The following NUP153 variants were observed in gnomAD, a reference collection of about 807,000 sequenced individuals.
NUP153 encodes nucleoporin 153.
A neutral mutation model predicts 134.6 loss-of-function variants in NUP153; 27 were observed. That is an observed-to-expected ratio of 0.20 (90% CI 0.15 to 0.28). NUP153 has a LOEUF of 0.28. Among genes scored for constraint, NUP153 ranks in the 10% least tolerant of loss-of-function variants. NUP153 has a pLI of 1.00. For missense variants in NUP153, 1,821 were observed against 1,731.3 expected, an observed-to-expected ratio of 1.05 and a Z score of -0.92; for synonymous variants, 640 against 623.5, an observed-to-expected ratio of 1.03 and a Z score of -0.40.
chr6:17,616,028 A>G lies in NUP153; in HGVS notation c.*69T>C. 2 of 1,121,682 alleles carry G rather than the reference A, an allele frequency of 1.8e-6. No individual in the cohort carries two copies. Among genetic ancestry groups the G allele is most frequent in the Non-Finnish European group, 2.7e-6 (2 of 739,830 alleles). The allele number at this position is 1,121,682 out of a possible 1,614,324, so 69.5% of individuals were successfully genotyped here. The stretch of plus-strand genomic sequence containing the variant: ...CTGACTTCAGATAACCCCAGCACAA[A>G]GTACAATCCAGTATCTGAAAGCAGG... On this transcript the variant is annotated 3_prime_UTR_variant, in exon 22 of 22. Coordinates refer to ENST00000262077, the MANE Select transcript of NUP153 (RefSeq NM_005124.4).
chr6:17,674,737 A>G (rs1023322757), intron 5 of NUP153, among the ~76,000 whole-genome samples, 168 bp downstream of exon 5: 35 of 152,120 alleles, frequency 2.3e-4, no homozygotes, highest in African/African-American at 8.5e-4. Flanking sequence ...GTGCCACCGC[A>G]CTCCAGCCTG....
chr6:17,646,195 A>T (rs1186726388), intron 13 of NUP153, 41 bp from the exon 14 acceptor site: 9 of 1,069,136 alleles, frequency 8.4e-6, no homozygotes, highest in Non-Finnish European at 1.3e-5. Flanking sequence ...GTTTTCAATA[A>T]GTATCAAATA....
intron 21 of NUP153, 109 bp from the exon 22 acceptor site, chr6:17,616,290 G>GGGGGGGGGGGGGGGGC: frequency 2.1e-6 from 1 of 473,898 alleles, no homozygotes. Flanking sequence ...GGTGGGGGGG[G>GGGGGGGGGGGGGGGGC]AGTAGACTCA....
chr6:17,646,918 C>CTTTTTTTTTT (rs376244443), intron 13 of NUP153, among the ~76,000 whole-genome samples: 2 of 131,104 alleles, frequency 1.5e-5, no homozygotes, highest in Non-Finnish European at 3.2e-5. Context: ...TCTGTATTTT[C>CTTTTTTTTTT]TTTTTTTTTT....
intron 14 of NUP153, among the ~76,000 whole-genome samples, chr6:17,642,210 A>C (rs1333811247): frequency 1.3e-5 from 2 of 152,210 alleles, no homozygotes; most frequent in East Asian, 3.9e-4. Context: ...AAGCACAGCA[A>C]CAGAAGAAAA....
chr6:17,648,252 A>G (rs1404835877), intron 12 of NUP153, among the ~76,000 whole-genome samples: 1 of 152,214 alleles, frequency 6.6e-6, no homozygotes, highest in Non-Finnish European at 1.5e-5. Context: ...TTGGGAAGCC[A>G]TGACAGAGGG....
rs9396789 is a variant in NUP153, at chr6:17,683,409, T to C, written c.334+4987A>G. Among the ~76,000 whole-genome samples, 7 of 152,314 alleles carry C rather than the reference T, an allele frequency of 4.6e-5. No homozygotes were observed. In the East Asian group the frequency reaches 7.7e-4, roughly 17 times the overall value. Reference sequence around the variant, plus strand: ...TGATCCATGGGCTGCAGAATGGACATTGTATTATCAAGCATCAGAACAACA... The same window carrying C: ...TGATCCATGGGCTGCAGAATGGACACTGTATTATCAAGCATCAGAACAACA... On this transcript the variant is annotated intron_variant, in intron 2 of 21. Coordinates refer to ENST00000262077, the MANE Select transcript of NUP153 (RefSeq NM_005124.4).
rs1211773130 is a variant in NUP153 at position 17,624,700 on chromosome 6, T to A, written c.4035A>T (p.Ser1345=). The A allele has an allele frequency of 6.2e-7, 1 of 1,614,140 alleles. No individual in the cohort carries two copies. The highest frequency in any genetic ancestry group is 2.2e-5 in the East Asian group (1 of 44,878). Residue 1345 remains serine, a synonymous_variant, in exon 20 of 22, where the codon TCA becomes TCT. Coordinates refer to ENST00000262077, the MANE Select transcript of NUP153 (RefSeq NM_005124.4). The part of the protein sequence containing the change: ...QPNPPGFGSI[S]SSTALFPTGS... ...CAGTGGGAAATAATGCTGTGGAAGA[T>A]GATATAGATCCAAAGCCTGGGGGAT...
At chr6:17,671,942 A>C (rs1217761108) in intron 5 of NUP153, among the ~76,000 whole-genome samples, 1 of 152,114 alleles carries the variant, frequency 6.6e-6, no homozygotes, top group African/African-American at 2.4e-5. Context: ...TGGGAGGTGG[A>C]GGTTGCAGTG....
At position 17,675,333 on chromosome 6, in the gene NUP153, G is replaced by C. The variant is rs1203524259; in HGVS notation, c.619C>G (p.Leu207Val). 3.1e-6 allele frequency: 5 copies of C among 1,614,060 alleles called. No homozygotes were observed. The highest frequency in any genetic ancestry group is 4.2e-6 in the Non-Finnish European group (5 of 1,179,980). The change falls in exon 4 of 22, where the codon CTG becomes GTG. Residue 207 changes from leucine (L) to valine (V), a missense_variant. Physicochemically the swap from Leu to Val is conservative, Grantham distance 32. Transcript: ENST00000262077. The surrounding 1 kb of genome is among the most constrained non-coding windows in gnomAD (Gnocchi z 4.4). ...TVSKNTSLPPLWSPEAERSHS... is the reference protein window; with the variant it reads ...TVSKNTSLPPVWSPEAERSHS... ...GAACGTTCAGCTTCTGGGGACCACA[G>C]AGGTGGCAATGAAGTGTTCTTTGAA...
chr6:17,670,853 C>T (rs983489331), intron 5 of NUP153, among the ~76,000 whole-genome samples: 1 of 151,882 alleles, frequency 6.6e-6, no homozygotes, highest in Non-Finnish European at 1.5e-5. Context: ...GTCTGTTGCC[C>T]AGGCTGGAGT....
chr6:17,701,184 C>T (rs555816980), intron 1 of NUP153, among the ~76,000 whole-genome samples: 10 of 150,394 alleles, frequency 6.6e-5, no homozygotes, highest in African/African-American at 2.2e-4. Context: ...AAGATGGTGC[C>T]GTTGCACTCC....
At chr6:17,685,574 T>C (rs953385077) in intron 2 of NUP153, among the ~76,000 whole-genome samples, 6 of 150,292 alleles carry the variant, frequency 4.0e-5, no homozygotes, top group Middle Eastern at 3.5e-3. Context: ...AACTGTTATA[T>C]AAACAGTTGT....
intron 9 of NUP153, among the ~76,000 whole-genome samples, chr6:17,663,941 A>C (rs9350052): frequency 0.74 from 112,769 of 151,434 alleles, 42,283 homozygotes; most frequent in East Asian, 0.88. Flanking sequence ...CACACACACA[A>C]ACACACAAAA....
In NUP153 at chr6:17,661,539, A is replaced by T; in HGVS notation, c.1395+114T>A. ...ATTTTGAAAGAACTGATTCAATAGC[A>T]GATTAATTTTGCTCTGGGTCTCTTC... On this transcript the variant is annotated intron_variant, in intron 11 of 21. Coordinates refer to ENST00000262077, the MANE Select transcript of NUP153 (RefSeq NM_005124.4). 3.4e-6 allele frequency: 3 copies of T among 889,058 alleles called. No homozygotes were observed. The East Asian group carries it at 8.8e-5, about 26-fold the overall frequency. The allele number at this position is 889,058 out of a possible 1,614,324, so 55.1% of individuals were successfully genotyped here.
chr6:17,701,249 G>A (rs951184837), intron 1 of NUP153, among the ~76,000 whole-genome samples: 2 of 150,124 alleles, frequency 1.3e-5, no homozygotes, highest in African/African-American at 2.4e-5. Context: ...AGCTAAATGC[G>A]CCAGGTGCAG....
chr6:17,635,164 C>CA (rs1264040762), intron 16 of NUP153, among the ~76,000 whole-genome samples: 1 of 132,608 alleles, frequency 7.5e-6, no homozygotes, highest in African/African-American at 2.9e-5. Context: ...GGCTGGAGTG[C>CA]AGTGGCATGA....
intron 2 of NUP153, among the ~76,000 whole-genome samples, chr6:17,685,378 T>C (rs1025129653): frequency 6.6e-6 from 1 of 152,070 alleles, no homozygotes; most frequent in Admixed American, 6.5e-5. Context: ...AAACCCCGTC[T>C]TTACTAAAAA....
Position 17,616,160 on chromosome 6 carries a change from G to A in NUP153, c.4365C>T (p.Phe1455=), listed in dbSNP as rs1407991334. The A allele has an allele frequency of 6.2e-7, 1 of 1,604,698 alleles. No individual in the cohort carries two copies. Among genetic ancestry groups the A allele is most frequent in the Non-Finnish European group, 8.5e-7 (1 of 1,175,276 alleles). The change falls in exon 22 of 22, where the codon TTC becomes TTT. Residue 1455 remains phenylalanine (F), a synonymous_variant. Transcript: ENST00000262077. ...CAGAGAATGAAGTTCCAGAAGAAGAGAACACATTTTTCCCATTTGACCTGT... is the reference window on the plus strand; with the variant it reads ...CAGAGAATGAAGTTCCAGAAGAAGAAAACACATTTTTCCCATTTGACCTGT... ...FTVGSNGKNV[F]SSSGTSFSGR...
Sources: gnomAD v4.1 joint callset for allele counts (sites outside exome capture counted in the v4.1 genomes callset) on GRCh38, gnomAD v4.1.1 for gene constraint, Gnocchi (gnomAD v3.1) non-coding constraint, MANE v1.5 for transcripts, NCBI Gene and HGNC (gene_info 2026-07-23, HGNC 2026-07-21) for gene names.